Variants in TMTC2 observed in about 807,000 individuals in gnomAD.
TMTC2 encodes the protein protein O-mannosyl-transferase TMTC2.
A neutral mutation model predicts 82.4 loss-of-function variants in TMTC2; 43 were observed. That is an observed-to-expected ratio of 0.52 (90% CI 0.41 to 0.67). The LOEUF is 0.67. TMTC2 is among the 30% of genes least tolerant of loss of function. The probability of loss-of-function intolerance (pLI) is 0.00; values close to 1 mark genes in which losing one functional copy is unlikely to be tolerated. For synonymous variants in TMTC2, 408 were observed against 381.9 expected (o/e 1.07, Z -0.80); for missense variants, 919 against 1,012.4 (o/e 0.91, Z 1.25).
At chr12:83,094,480 G>C (rs534151419) in intron 11 of TMTC2, among the ~76,000 whole-genome samples, 1 of 152,286 alleles carries the variant, frequency 6.6e-6, no homozygotes, top group African/African-American at 2.4e-5. Context: ...AGCCCCACCT[G>C]CCACACTAAG....
At chr12:82,867,539 G>A (rs957063120) in intron 2 of TMTC2, among the ~76,000 whole-genome samples, 1 of 152,110 alleles carries the variant, frequency 6.6e-6, no homozygotes, top group Non-Finnish European at 1.5e-5. Flanking sequence ...CCATCAAACT[G>A]TTGCTAAATA....
chr12:83,032,257 TTATATATATATATATATA>T (rs57604518), intron 9 of TMTC2, among the ~76,000 whole-genome samples: 14,349 of 130,782 alleles, frequency 0.11, 1,070 homozygotes, highest in Non-Finnish European at 0.15. Flanking sequence ...AGAGAATATT[TTATATATATATATATATA>T]TATATATATA....
In TMTC2 at chr12:82,719,085, A is replaced by ATTTTTTT. The variant is rs71068944; in HGVS notation, c.83+31436_83+31442dup. On this transcript the variant is annotated intron_variant, in intron 1 of 11. Coordinates refer to ENST00000321196, the MANE Select transcript of TMTC2 (RefSeq NM_152588.3). ...TATATATATATATATATATATATATATTTTTTTTTTTTTTTTTTTTTTTTT... is the reference window on the plus strand; with the variant it reads ...TATATATATATATATATATATATATATTTTTTTTTTTTTTTTTTTTTTTTTTTTTTTT... 7.0e-4 allele frequency among the ~76,000 whole-genome samples: 29 copies of ATTTTTTT among 41,416 alleles called. 1 individual carries two copies. Among genetic ancestry groups the ATTTTTTT allele is most frequent in the Non-Finnish European group, 8.0e-4 (21 of 26,298 alleles). The allele number at this position is 41,416 out of a possible 152,430, so 27.2% of individuals were successfully genotyped here.
Position 82,937,750 on chromosome 12 carries a change from GTATATA to G in TMTC2, c.1598+7246_1598+7251del, listed in dbSNP as rs1162321741. 7.2e-3 allele frequency among the ~76,000 whole-genome samples: 757 copies of G among 105,604 alleles called. 5 individuals are homozygous for G. Among genetic ancestry groups the G allele is most frequent in the East Asian group, 0.01 (41 of 4,056 alleles). 69.3% of individuals were successfully genotyped at this position (105,604 alleles called of 152,430 possible). A position where few individuals can be genotyped will look rare whatever the true frequency, so the allele number is the denominator to read the frequency against. On this transcript the variant is annotated intron_variant, in intron 4 of 11. Coordinates refer to ENST00000321196, the MANE Select transcript of TMTC2 (RefSeq NM_152588.3). ...TGTGGATGTGTGTGTGTGTGTGTGT[GTATATA>G]TATATATATATATATATATATATAT...
chr12:82,758,737 A>G (rs1876465827), intron 1 of TMTC2: 2 of 152,358 alleles, frequency 1.3e-5, no homozygotes, highest in Middle Eastern at 6.8e-3. Context: ...TACCATTAGC[A>G]TAAGAATAGC....
At chr12:83,024,205 A>C (rs998047281) in intron 8 of TMTC2, among the ~76,000 whole-genome samples, 11 of 152,234 alleles carry the variant, frequency 7.2e-5, no homozygotes, top group African/African-American at 2.7e-4. Context: ...CACATGTAAC[A>C]GAATGTCACA....
intron 3 of TMTC2, among the ~76,000 whole-genome samples, chr12:82,921,197 T>C (rs913773977): frequency 2.6e-5 from 4 of 152,158 alleles, no homozygotes; most frequent in African/African-American, 9.7e-5. Flanking sequence ...TTAAGTACCA[T>C]CTTATGATAT....
intron 3 of TMTC2, among the ~76,000 whole-genome samples, chr12:82,924,175 C>A (rs1055604490): frequency 1.3e-5 from 2 of 152,144 alleles, no homozygotes; most frequent in African/African-American, 4.8e-5. Flanking sequence ...CTACTTCTTG[C>A]GCTGAGAGAG....
chr12:83,023,529 T>C (rs11115532), intron 8 of TMTC2, among the ~76,000 whole-genome samples: 2,361 of 152,296 alleles, frequency 0.016, 62 homozygotes, highest in African/African-American at 0.055. Flanking sequence ...ATAATGGTGC[T>C]CACAAAACTA....
chr12:82,801,102 T>C (rs1407077118), intron 1 of TMTC2, among the ~76,000 whole-genome samples: 1 of 152,178 alleles, frequency 6.6e-6, no homozygotes, highest in Admixed American at 6.5e-5. Context: ...TTCAAACTTA[T>C]ATGATAGGCC....
chr12:82,797,021 G>T (rs761677990), intron 1 of TMTC2, among the ~76,000 whole-genome samples: 2 of 152,146 alleles, frequency 1.3e-5, no homozygotes, highest in African/African-American at 4.8e-5. Flanking sequence ...AAGACTAAAT[G>T]TTGGTTCCTG....
chr12:82,871,908 A>T (rs1244936371), intron 2 of TMTC2, among the ~76,000 whole-genome samples: 1 of 151,648 alleles, frequency 6.6e-6, no homozygotes, highest in Non-Finnish European at 1.5e-5. Flanking sequence ...ATAGACAAAC[A>T]CCTGCTCTCT....
At chr12:82,937,988 C>A (rs966027527) in intron 4 of TMTC2, among the ~76,000 whole-genome samples, 18 of 146,774 alleles carry the variant, frequency 1.2e-4, no homozygotes, top group Non-Finnish European at 2.2e-4. Context: ...GATCTCAGCT[C>A]ACTGCAACCT....
intron 3 of TMTC2, among the ~76,000 whole-genome samples, chr12:82,912,568 T>C (rs2137212188): frequency 6.6e-6 from 1 of 152,310 alleles, no homozygotes; most frequent in South Asian, 2.1e-4. Context: ...GTTTTGATGG[T>C]TTGCAGTACT....
chr12:82,803,486 C>G (rs1016779877), intron 1 of TMTC2, among the ~76,000 whole-genome samples: 30 of 151,986 alleles, frequency 2.0e-4, no homozygotes, highest in African/African-American at 7.2e-4. Flanking sequence ...ATCTCAGGTG[C>G]CAGGGAGAGA....
At chr12:83,071,613 A>T (rs1883118599) in intron 11 of TMTC2, among the ~76,000 whole-genome samples, 1 of 152,162 alleles carries the variant, frequency 6.6e-6, no homozygotes, top group African/African-American at 2.4e-5. Flanking sequence ...TTCTGCTGTG[A>T]ATCTGTCTGG....
chr12:82,998,625 C>T (rs577969847), intron 8 of TMTC2, among the ~76,000 whole-genome samples: 1 of 152,110 alleles, frequency 6.6e-6, no homozygotes, highest in East Asian at 1.9e-4. Flanking sequence ...ATATCTCTGG[C>T]AAATGTTGTT....
At chr12:83,061,722 A>G in intron 10 of TMTC2, 46 bp from the exon 11 acceptor site, 1 of 1,486,736 alleles carries the variant, frequency 6.7e-7, no homozygotes, top group Non-Finnish European at 9.0e-7. Context: ...CCTATTTGTA[A>G]TTCTAAAATA....
At chr12:83,049,083 G>A (rs769587377) in intron 9 of TMTC2, among the ~76,000 whole-genome samples, 1 of 152,092 alleles carries the variant, frequency 6.6e-6, no homozygotes, top group Non-Finnish European at 1.5e-5. Context: ...TAAATAATGG[G>A]CTCTTTGGCC....
Sources: gnomAD v4.1 joint callset for allele counts (sites outside exome capture counted in the v4.1 genomes callset) on GRCh38, gnomAD v4.1.1 for gene constraint, MANE v1.5 for transcripts, NCBI Gene and HGNC (gene_info 2026-07-23, HGNC 2026-07-21) for gene names.